Variants in MTUS2 observed in about 807,000 individuals in gnomAD.
MTUS2 encodes microtubule associated scaffold protein 2.
In MTUS2, 40 loss-of-function variants were observed where a neutral mutation model predicts 114.1. That is an observed-to-expected ratio of 0.35 (90% CI 0.27 to 0.46). The LOEUF (loss-of-function observed/expected upper bound fraction) is 0.46. MTUS2 is among the 20% of genes least tolerant of loss of function. The pLI is 1.00. For missense variants in MTUS2, 1,679 were observed against 1,705.4 expected (o/e 0.98, Z 0.27); for synonymous variants, 688 against 672.0 (o/e 1.02, Z -0.37).
At chr13:29,325,817 A>T (rs566898028) in intron 7 of MTUS2, among the ~76,000 whole-genome samples, 1 of 152,170 alleles carries the variant, frequency 6.6e-6, no homozygotes, top group Non-Finnish European at 1.5e-5. Context: ...CTCTCTTTAC[A>T]TGTGAGGAAA....
intron 5 of MTUS2, among the ~76,000 whole-genome samples, chr13:29,171,805 G>T (rs971577803): frequency 6.6e-6 from 1 of 152,172 alleles, no homozygotes; most frequent in Non-Finnish European, 1.5e-5. Flanking sequence ...CAAAATGGCT[G>T]CTTGAAATCC....
At chr13:29,285,581 T>A (rs976579982) in intron 6 of MTUS2, among the ~76,000 whole-genome samples, 5 of 152,114 alleles carry the variant, frequency 3.3e-5, no homozygotes, top group Admixed American at 2.6e-4. Context: ...TTACTAGAAG[T>A]ACAAAGGAAT....
intron 2 of MTUS2, among the ~76,000 whole-genome samples, chr13:28,874,940 C>T (rs759519833): frequency 2.0e-5 from 3 of 152,186 alleles, no homozygotes; most frequent in Non-Finnish European, 4.4e-5. Flanking sequence ...GGATCTCCTA[C>T]ACCAGTCTTT....
At chr13:29,022,421 C>T (rs1488147018) in intron 2 of MTUS2, among the ~76,000 whole-genome samples, 1 of 152,108 alleles carries the variant, frequency 6.6e-6, no homozygotes, top group Admixed American at 6.5e-5. Flanking sequence ...CAAGGCTGAC[C>T]TCAAGTGATC....
Position 29,480,124 on chromosome 13 carries a change from A to T in MTUS2, c.3185-26A>T. 6.5e-7 allele frequency: 1 copy of T among 1,549,654 alleles called. No individual in the cohort carries two copies. The highest frequency in any genetic ancestry group is 8.7e-7 in the Non-Finnish European group (1 of 1,145,762). On this transcript the variant is annotated intron_variant, in intron 9 of 15. Coordinates refer to ENST00000612955, the MANE Select transcript of MTUS2 (RefSeq NM_001033602.4). This position sits in a 1 kb window ranked among gnomAD's most constrained non-coding sequence, Gnocchi z 4.4. ...CATGCCTCCTACGGCCATTTTTTAA[A>T]GAAAGATCTTGTGCTTTGCGCCCAG... is the stretch of plus-strand genomic sequence containing the variant.
chr13:29,428,786 G>C (rs964218642), intron 8 of MTUS2: 5 of 1,612,440 alleles, frequency 3.1e-6, no homozygotes, highest in African/African-American at 1.3e-5. Flanking sequence ...CTCGGCTTAG[G>C]AGTTGCCCGC....
At chr13:29,275,019 C>T (rs1034198357) in intron 5 of MTUS2, among the ~76,000 whole-genome samples, 1 of 152,162 alleles carries the variant, frequency 6.6e-6, no homozygotes, top group East Asian at 1.9e-4. Context: ...CAGGTGTGAG[C>T]CATCATGCCC....
chr13:29,197,945 A>C (rs1206477321), intron 5 of MTUS2, among the ~76,000 whole-genome samples: 1 of 152,186 alleles, frequency 6.6e-6, no homozygotes, highest in Non-Finnish European at 1.5e-5. Context: ...TAGATTCTGG[A>C]TATTAGCCCT....
chr13:28,844,428 CGTGT>C (rs1027806344), intron 2 of MTUS2, among the ~76,000 whole-genome samples: 7 of 148,740 alleles, frequency 4.7e-5, no homozygotes, highest in Non-Finnish European at 1.5e-5. Context: ...CGCATGTGTG[CGTGT>C]GTGTGTATTT....
intron 2 of MTUS2, among the ~76,000 whole-genome samples, chr13:29,018,788 CAAAA>C (rs1239812033): frequency 1.2e-5 from 1 of 80,694 alleles, no homozygotes; most frequent in Non-Finnish European, 2.5e-5. Flanking sequence ...CCGCCCCCTG[CAAAA>C]AAAAAAAAAG....
intron 1 of MTUS2, among the ~76,000 whole-genome samples, chr13:28,822,606 G>A (rs983200312): frequency 1.3e-5 from 2 of 152,106 alleles, no homozygotes; most frequent in African/African-American, 2.4e-5. Context: ...AGGTCCCTCC[G>A]TCACAGAGGC....
chr13:29,461,842 T>C (rs1879519632), intron 9 of MTUS2, among the ~76,000 whole-genome samples: 1 of 152,216 alleles, frequency 6.6e-6, no homozygotes, highest in Non-Finnish European at 1.5e-5. Context: ...TATTAAAACT[T>C]AGAAGCTTGG....
In MTUS2 at chr13:29,454,851, G is replaced by A. The variant is rs1878988588; in HGVS notation, c.3184+14802G>A. Among the ~76,000 whole-genome samples the A allele has an allele frequency of 2.0e-5, 3 of 152,172 alleles. No homozygotes were observed. In the South Asian group the frequency reaches 6.2e-4, roughly 32 times the overall value. On this transcript the variant is annotated intron_variant, in intron 9 of 15. Coordinates refer to ENST00000612955, the MANE Select transcript of MTUS2 (RefSeq NM_001033602.4). The stretch of plus-strand genomic sequence containing the variant: ...GAGGGAATCCTATTAGAATCACCTG[G>A]AAGCTTGTACCAACTCTTCATGCCC...
intron 8 of MTUS2, among the ~76,000 whole-genome samples, chr13:29,374,150 G>GAAC (rs1196811877): frequency 6.9e-5 from 10 of 145,548 alleles, no homozygotes; most frequent in African/African-American, 2.5e-4. Context: ...TGTCCAATCT[G>GAAC]AACAACAGAA....
intron 5 of MTUS2, among the ~76,000 whole-genome samples, chr13:29,160,940 T>A (rs1219801324): frequency 1.3e-5 from 2 of 152,184 alleles, no homozygotes; most frequent in Non-Finnish European, 2.9e-5. Flanking sequence ...CATGACTCCA[T>A]GTATAAAACC....
chr13:29,337,472 G>C (rs898028234), intron 7 of MTUS2, among the ~76,000 whole-genome samples: 1 of 152,190 alleles, frequency 6.6e-6, no homozygotes, highest in Admixed American at 6.5e-5. Context: ...TCCATGGGCT[G>C]CACCCACTGT....
intron 5 of MTUS2, among the ~76,000 whole-genome samples, chr13:29,207,211 T>G (rs879737754): frequency 6.6e-5 from 10 of 152,252 alleles, no homozygotes; most frequent in Admixed American, 1.3e-4. Flanking sequence ...TTGAGTTCTT[T>G]AATTGATTGT....
intron 2 of MTUS2, among the ~76,000 whole-genome samples, chr13:28,840,653 G>A (rs1875411230): frequency 6.6e-6 from 1 of 152,176 alleles, no homozygotes; most frequent in African/African-American, 2.4e-5. Flanking sequence ...CCGTAAACAT[G>A]GTGCTCTTCC....
At chr13:29,159,334 G>A (rs1031740332) in intron 5 of MTUS2, among the ~76,000 whole-genome samples, 3 of 152,048 alleles carry the variant, frequency 2.0e-5, no homozygotes, top group African/African-American at 7.2e-5. Context: ...CTAGGTGTGT[G>A]TATACTATAT....
Sources: gnomAD v4.1 joint callset for allele counts (sites outside exome capture counted in the v4.1 genomes callset) on GRCh38, gnomAD v4.1.1 for gene constraint, Gnocchi (gnomAD v3.1) non-coding constraint, MANE v1.5 for transcripts, NCBI Gene and HGNC (gene_info 2026-07-23, HGNC 2026-07-21) for gene names.